CYP4F12: variants seen among roughly 807,000 people sequenced by gnomAD.
CYP4F12 encodes the protein cytochrome P450 family 4 subfamily F member 12, also known as cytochrome P450 4F12.
Under a neutral mutation model 56.5 loss-of-function variants are expected in CYP4F12, and 60 were observed. The ratio of observed to expected loss-of-function variants is 1.06; its 90% CI spans 0.86 to 1.32. The LOEUF (loss-of-function observed/expected upper bound fraction) is 1.32. CYP4F12 is among the 40% of genes most tolerant of loss of function. The pLI, the probability that CYP4F12 is intolerant of heterozygous loss-of-function variation, is 0.00. For missense variants in CYP4F12, 711 were observed against 683.5 expected (o/e 1.04, Z -0.45); for synonymous variants, 263 against 264.9 (o/e 0.99, Z 0.07).
At chr19:15,692,480 A>C (rs1185922897) in intron 9 of CYP4F12, among the ~76,000 whole-genome samples, 1 of 152,124 alleles carries the variant, frequency 6.6e-6, no homozygotes, top group African/African-American at 2.4e-5. Context: ...TATGCATATA[A>C]ATTCTATGCC....
intron 2 of CYP4F12, among the ~76,000 whole-genome samples, chr19:15,673,969 A>C (rs376972254): frequency 0.024 from 26 of 1,078 alleles, no homozygotes; most frequent in Admixed American, 0.043. Flanking sequence ...TCATTCCTCT[A>C]CCCACTCACT....
chr19:15,689,548 A>G (rs2007779229), intron 9 of CYP4F12, among the ~76,000 whole-genome samples: 1 of 152,252 alleles, frequency 6.6e-6, no homozygotes, highest in African/African-American at 2.4e-5. Flanking sequence ...CGATAAGGAT[A>G]TTCCTTAGCG....
Position 15,682,473 on chromosome 19 carries a change from C to T in CYP4F12, c.610C>T (p.Gln204Ter), listed in dbSNP as rs1367493995. 3 of 1,613,872 alleles carry T rather than the reference C, an allele frequency of 1.9e-6. No individual in the cohort carries two copies. The highest frequency in any genetic ancestry group is 1.1e-5 in the South Asian group (1 of 91,082). ...CAGCCTCATGACCTTGGACAGTCTA[C>T]AGAAATGCATCTTCAGCTTTGACAG... ...HISLMTLDSLQKCIFSFDSHC... is the reference protein window; with the variant it reads ...HISLMTLDSL The change falls in exon 6 of 13, where the codon CAG becomes TAG. Residue 204 changes from glutamine to a stop codon, truncating the protein, a stop_gained. Transcript: ENST00000550308. LOFTEE classifies it high-confidence loss of function.
chr19:15,676,293 T>TCATTCACTCATTCCAATACC (rs2006914999), intron 2 of CYP4F12, among the ~76,000 whole-genome samples: 1 of 149,252 alleles, frequency 6.7e-6, no homozygotes, highest in Non-Finnish European at 1.5e-5. Context: ...ATTCCTCTCC[T>TCATTCACTCATTCCAATACC]CACTTACTCA....
At chr19:15,694,485 C>T (rs1157810765) in intron 9 of CYP4F12, among the ~76,000 whole-genome samples, 1 of 151,498 alleles carries the variant, frequency 6.6e-6, no homozygotes, top group African/African-American at 2.4e-5. Context: ...ATTTGGCTCT[C>T]TGTTTGTCTG....
At position 15,697,143 on chromosome 19, in the gene CYP4F12, A is replaced by G. The variant is rs568826425; in HGVS notation, c.*58A>G. 1.3e-5 allele frequency: 21 copies of G among 1,562,262 alleles called. No individual in the cohort carries two copies. In the Admixed American group the frequency reaches 2.8e-4, roughly 21 times the overall value. ...TTGTCATGAATAAAACGGTGCTGTC[A>G]CCTCTGCCTGGGCCTCACTGACAGC... On this transcript the variant is annotated 3_prime_UTR_variant, in exon 13 of 13. Coordinates refer to ENST00000550308, the MANE Select transcript of CYP4F12 (RefSeq NM_023944.4).
intron 8 of CYP4F12, 59 bp from the exon 9 acceptor site, chr19:15,685,009 A>C: frequency 5.0e-6 from 8 of 1,592,620 alleles, no homozygotes; most frequent in South Asian, 4.5e-5. Flanking sequence ...GAGGGCCTCA[A>C]TATCTGGGCG....
At position 15,696,918 on chromosome 19, in the gene CYP4F12, G is replaced by A. The variant is rs10421387; in HGVS notation, c.1408G>A (p.Gly470Arg). Reference protein sequence around the residue: ...PFSAGPRNCIGQAFAMAEMKV... With the variant: ...PFSAGPRNCIRQAFAMAEMKV... ...CACTCCCGCCTGCAGGAACTGCATC[G>A]GGCAGGCGTTCGCCATGGCGGAGAT... The change falls in exon 13 of 13, where the codon GGG becomes AGG. Residue 470 changes from glycine (G) to arginine (R), a missense_variant. Coordinates refer to ENST00000550308, the MANE Select transcript of CYP4F12 (RefSeq NM_023944.4). 9.9e-6 allele frequency: 16 copies of A among 1,612,922 alleles called. No individual in the cohort carries two copies. The East Asian group carries it at 2.2e-4, about 22-fold the overall frequency.
chr19:15,683,110 A>G lies in CYP4F12; in HGVS notation c.648-383A>G, dbSNP rs975750219. 5.4e-5 allele frequency among the ~76,000 whole-genome samples: 8 copies of G among 147,434 alleles called. No individual in the cohort carries two copies. The South Asian group carries it at 1.3e-3, about 23-fold the overall frequency. ...AGAGAGACAGAGAGAGAGAGAGAGA[A>G]AGAGAGAGAGAGTTGGTTATGCTGG... On this transcript the variant is annotated intron_variant, in intron 6 of 12. Coordinates refer to ENST00000550308, the MANE Select transcript of CYP4F12 (RefSeq NM_023944.4).
Position 15,685,054 on chromosome 19 carries a change from T to A in CYP4F12, c.986-14T>A, listed in dbSNP as rs774625460. ...CTCCGGTGCTGAAGCCAAGCTTACC[T>A]GGCTGCTCCTCAGGCCATGACACCA... is the stretch of plus-strand genomic sequence containing the variant. On this transcript the variant is annotated splice_polypyrimidine_tract_variant and intron_variant, in intron 8 of 12. Transcript: ENST00000550308. The A allele has an allele frequency of 6.2e-7, 1 of 1,610,282 alleles. No homozygotes were observed. Among genetic ancestry groups the A allele is most frequent in the Non-Finnish European group, 8.5e-7 (1 of 1,177,568 alleles).
rs146938146 is a variant in CYP4F12, at chr19:15,682,895, G to A, written c.647+385G>A. On this transcript the variant is annotated intron_variant, in intron 6 of 12. Transcript: ENST00000550308. ...TGGGAAACTGATAGCCCACCACCACGCCCAGCTAATTTCTGTATTTTCAGT... is the reference window on the plus strand; with the variant it reads ...TGGGAAACTGATAGCCCACCACCACACCCAGCTAATTTCTGTATTTTCAGT... Among the ~76,000 whole-genome samples the A allele has an allele frequency of 2.4e-3, 368 of 152,264 alleles. 1 individual carries two copies. Among genetic ancestry groups the A allele is most frequent in the Non-Finnish European group, 3.9e-3 (265 of 67,998 alleles).
chr19:15,678,350 C>G lies in CYP4F12; in HGVS notation c.288C>G (p.Ile96Met). The change falls in exon 3 of 13, where the codon ATC becomes ATG. Residue 96 changes from isoleucine (I) to methionine (M), a missense_variant. Transcript: ENST00000550308. ...TTACGGTATGGCTGGGTCCCATCAT[C>G]CCCTTCATCGTTTTATGCCACCCTG... ...QGFTVWLGPI[I>M]PFIVLCHPDT... The G allele has an allele frequency of 6.2e-7, 1 of 1,614,174 alleles. No individual in the cohort carries two copies. The highest frequency in any genetic ancestry group is 8.5e-7 in the Non-Finnish European group (1 of 1,180,028).
At chr19:15,675,778 T>C (rs74182265) in intron 2 of CYP4F12, among the ~76,000 whole-genome samples, 141,088 of 152,170 alleles carry the variant, frequency 0.93, 65,466 homozygotes, top group East Asian at 1. Flanking sequence ...CCGGTGGCTG[T>C]GGGGGGACTT....
chr19:15,692,492 A>G (rs1356986162), intron 9 of CYP4F12, among the ~76,000 whole-genome samples: 1 of 152,178 alleles, frequency 6.6e-6, no homozygotes, highest in East Asian at 1.9e-4. Flanking sequence ...TTCTATGCCC[A>G]GTGAACATAG....
At chr19:15,676,244 G>A (rs545411955) in intron 2 of CYP4F12, among the ~76,000 whole-genome samples, 19 of 151,834 alleles carry the variant, frequency 1.3e-4, no homozygotes, top group Non-Finnish European at 2.1e-4. Context: ...TGGTGGCTGG[G>A]GTCTGGGAAC....
intron 9 of CYP4F12, among the ~76,000 whole-genome samples, chr19:15,692,314 T>C (rs2007908487): frequency 6.6e-6 from 1 of 152,188 alleles, no homozygotes; most frequent in Admixed American, 6.5e-5. Context: ...ATAAAGTGTA[T>C]GTTTTATTTG....
At chr19:15,686,755 G>C (rs1041756397) in intron 9 of CYP4F12, among the ~76,000 whole-genome samples, 6 of 152,322 alleles carry the variant, frequency 3.9e-5, no homozygotes, top group East Asian at 1.9e-4. Context: ...ACTGTGGAGA[G>C]AGGACCAGCT....
Position 15,673,707 on chromosome 19 carries a change from T to G in CYP4F12, c.178T>G (p.Phe60Val). The change falls in exon 2 of 13, where the codon TTT becomes GTT. Residue 60 changes from phenylalanine (F) to valine (V), a missense_variant. Phe to Val is a conservative substitution (Grantham distance 50). Coordinates refer to ENST00000550308, the MANE Select transcript of CYP4F12 (RefSeq NM_023944.4). ...CCCACAGCCCCCAAAACGGAACTGG[T>G]TTTGGGGTCACCTGGGCCTGGTGAG... ...CFPQPPKRNW[F>V]WGHLGLITPT... is the part of the protein sequence containing the mutation. 6.2e-7 allele frequency: 1 copy of G among 1,613,730 alleles called. No individual in the cohort carries two copies. The highest frequency in any genetic ancestry group is 8.5e-7 in the Non-Finnish European group (1 of 1,179,744).
rs539545625 is a variant in CYP4F12, at chr19:15,695,066, G to A, written c.1116-870G>A. Among the ~76,000 whole-genome samples the A allele has an allele frequency of 1.3e-4, 20 of 152,042 alleles. No individual in the cohort carries two copies. In the East Asian group the frequency reaches 2.1e-3, roughly 16 times the overall value. Reference sequence around the variant, plus strand: ...ACACATGCACATGTATGTTTATTGCGGCACTATTCACAACAGCAAAGACTT... The same window carrying A: ...ACACATGCACATGTATGTTTATTGCAGCACTATTCACAACAGCAAAGACTT... On this transcript the variant is annotated intron_variant, in intron 9 of 12. Transcript: ENST00000550308.
Sources: gnomAD v4.1 joint callset for allele counts (sites outside exome capture counted in the v4.1 genomes callset) on GRCh38, gnomAD v4.1.1 for gene constraint, MANE v1.5 for transcripts, NCBI Gene and HGNC (gene_info 2026-07-23, HGNC 2026-07-21) for gene names.